Variants in SUZ12 observed in about 807,000 individuals in gnomAD.
SUZ12 encodes polycomb protein SUZ12.
Under a neutral mutation model 87.3 loss-of-function variants are expected in SUZ12, and 17 were observed. The observed-to-expected ratio is 0.19, with a 90% CI of 0.13 to 0.29. SUZ12 has a LOEUF of 0.29. Ranked by LOEUF, SUZ12 falls within the 10% of genes least tolerant of loss-of-function variation. The pLI, the probability that SUZ12 is intolerant of heterozygous loss-of-function variation, is 1.00. For synonymous variants in SUZ12, 253 were observed against 312.4 expected, an observed-to-expected ratio of 0.81 and a Z score of 2.01; for missense variants, 526 against 912.2, an observed-to-expected ratio of 0.58 and a Z score of 5.45.
chr17:31,940,573 G>A (rs1906213259), intron 3 of SUZ12, 87 bp downstream of exon 3: 6 of 1,500,292 alleles, frequency 4.0e-6, no homozygotes, highest in East Asian at 2.4e-5. Flanking sequence ...AAAAAAAAAC[G>A]AACAAAAATA....
In SUZ12 at chr17:31,976,630, A is replaced by C; in HGVS notation, c.917+16A>C. 6.4e-7 allele frequency: 1 copy of C among 1,562,848 alleles called. No individual in the cohort carries two copies. The highest frequency in any genetic ancestry group is 8.8e-7 in the Non-Finnish European group (1 of 1,136,872). ...ATAAAAACAGGTAATGTTGATGAACAAGTGAGGCTCCCACAATGTTCTGGA... is the reference window on the plus strand; with the variant it reads ...ATAAAAACAGGTAATGTTGATGAACCAGTGAGGCTCCCACAATGTTCTGGA... On this transcript the variant is annotated intron_variant, in intron 8 of 15. Transcript: ENST00000322652.
intron 3 of SUZ12, among the ~76,000 whole-genome samples, chr17:31,941,109 G>T (rs1369897313): frequency 3.3e-5 from 5 of 151,370 alleles, no homozygotes; most frequent in African/African-American, 4.8e-5. Flanking sequence ...CTCTTTTTTT[G>T]TTTGTTTGTT....
intron 5 of SUZ12, among the ~76,000 whole-genome samples, chr17:31,967,922 C>T (rs985812344): frequency 1.3e-5 from 2 of 151,968 alleles, no homozygotes; most frequent in Non-Finnish European, 2.9e-5. Flanking sequence ...ACGTCAACAC[C>T]TTGGGAGGCT....
chr17:31,958,001 C>G (rs1907464930), intron 4 of SUZ12, among the ~76,000 whole-genome samples: 2 of 145,752 alleles, frequency 1.4e-5, no homozygotes, highest in African/African-American at 5.1e-5. Context: ...CTCCCGGGTT[C>G]ATGCCATTCT....
rs765010301 is a variant in SUZ12 at position 31,937,293 on chromosome 17, C to G, written c.47C>G (p.Pro16Arg). The change falls in exon 1 of 16, where the codon CCC (proline) becomes CGC (arginine). Residue 16 changes from proline (P) to arginine (R), a missense_variant. Pro to Arg is a moderately radical substitution (Grantham distance 103, BLOSUM62 -2). This residue lies in a region of SUZ12 where 92 missense variants were observed against 109.9 expected (regional missense o/e 0.84). Transcript: ENST00000322652. ...HGGGGGGGSG[P>R]SAGSGGGGFG... ...GGTGGGGGAGGGGGCGGCTCGGGGC[C>G]CAGCGCGGGGTCCGGGGGAGGCGGC... 1 of 1,399,280 alleles carries G rather than the reference C, an allele frequency of 7.1e-7. No individual in the cohort carries two copies. The highest frequency in any genetic ancestry group is 9.2e-7 in the Non-Finnish European group (1 of 1,088,828). 86.7% of individuals were successfully genotyped at this position (1,399,280 alleles called of 1,614,324 possible). A position where few individuals can be genotyped will look rare whatever the true frequency, so the allele number is the denominator to read the frequency against.
At chr17:31,957,701 G>T (rs1907438636) in intron 4 of SUZ12, among the ~76,000 whole-genome samples, 1 of 148,792 alleles carries the variant, frequency 6.7e-6, no homozygotes, top group East Asian at 1.9e-4. Flanking sequence ...GTAAGCCACT[G>T]CCCCCAGCCA....
At chr17:31,977,860 T>A (rs566071857) in intron 8 of SUZ12, among the ~76,000 whole-genome samples, 31 of 152,182 alleles carry the variant, frequency 2.0e-4, no homozygotes, top group African/African-American at 6.7e-4. Context: ...CTGCACTCCA[T>A]CCTGGGTGAC....
intron 3 of SUZ12, among the ~76,000 whole-genome samples, chr17:31,945,492 A>G (rs1906585049): frequency 6.6e-6 from 1 of 152,146 alleles, no homozygotes; most frequent in Admixed American, 6.6e-5. Flanking sequence ...ATTTCGTGTG[A>G]GCTGTTTCTG....
In SUZ12 at chr17:31,940,161, G is replaced by A. The variant is rs540012609; in HGVS notation, c.275-125G>A. The A allele has an allele frequency of 1.2e-4, 162 of 1,338,624 alleles. 3 individuals carry two copies. Among genetic ancestry groups the A allele is most frequent in the South Asian group, 1.8e-4 (12 of 65,248 alleles). The allele number at this position is 1,338,624 out of a possible 1,614,324, so 82.9% of individuals were successfully genotyped here. A position where few individuals can be genotyped will look rare whatever the true frequency, so the allele number is the denominator to read the frequency against. On this transcript the variant is annotated intron_variant, in intron 1 of 15. Transcript: ENST00000322652. The stretch of plus-strand genomic sequence containing the variant: ...CTTTCTTGATGTAAATATTTAGTGC[G>A]ATATAAATAGTGCGTGATTTCCATA...
chr17:31,994,456 C>G (rs1909867957), intron 12 of SUZ12, 108 bp from the exon 13 acceptor site: 1 of 1,044,528 alleles, frequency 9.6e-7, no homozygotes, highest in African/African-American at 1.6e-5. Flanking sequence ...TGTGCCTGGC[C>G]TATTTTAGTT....
chr17:31,970,663 T>G (rs546519), intron 5 of SUZ12, among the ~76,000 whole-genome samples: 23,616 of 151,868 alleles, frequency 0.16, 2,056 homozygotes, highest in African/African-American at 0.22. Context: ...GCTTGGTGGC[T>G]TGTGCCTGTA....
rs763680052 is a variant in SUZ12 at position 31,994,551 on chromosome 17, A to G, written c.1438-13A>G. ...ATACTTAATATATTTTTTTTTTTAC[A>G]TTTTTGTTGCAGTATCATCCAAAAG... On this transcript the variant is annotated splice_polypyrimidine_tract_variant and intron_variant, in intron 12 of 15. Coordinates refer to ENST00000322652, the MANE Select transcript of SUZ12 (RefSeq NM_015355.4). 6.4e-7 allele frequency: 1 copy of G among 1,562,574 alleles called. No individual in the cohort carries two copies. The highest frequency in any genetic ancestry group is 1.4e-5 in the African/African-American group (1 of 72,470).
rs186993715 is a variant in SUZ12, at chr17:31,999,697, C to A, written c.*694C>A. 118 of 230,954 alleles carry A rather than the reference C, an allele frequency of 5.1e-4. 1 individual carries two copies. The highest frequency in any genetic ancestry group is 2.5e-3 in the African/African-American group (111 of 45,072). The allele number at this position is 230,954 out of a possible 1,614,324, so 14.3% of individuals were successfully genotyped here. On this transcript the variant is annotated 3_prime_UTR_variant, in exon 16 of 16. Transcript: ENST00000322652. ...CTATGTTGGTTTATAAGATTACAGACCATTTGTTTTCATGTGGATAATTTT... is the reference window on the plus strand; with the variant it reads ...CTATGTTGGTTTATAAGATTACAGAACATTTGTTTTCATGTGGATAATTTT...
rs536386033 is a variant in SUZ12 at position 31,956,265 on chromosome 17, C to T, written c.455+8580C>T. ...CTCACTCTGTCGCCAGCAGTCTCGACTCACTGCAACCTCCGCCTCCTGGGT... is the reference window on the plus strand; with the variant it reads ...CTCACTCTGTCGCCAGCAGTCTCGATTCACTGCAACCTCCGCCTCCTGGGT... On this transcript the variant is annotated intron_variant, in intron 4 of 15. Transcript: ENST00000322652. 9.2e-5 allele frequency among the ~76,000 whole-genome samples: 14 copies of T among 152,164 alleles called. No homozygotes were observed. In the South Asian group the frequency reaches 2.9e-3, roughly 32 times the overall value.
chr17:31,950,999 C>T (rs1487482040), intron 4 of SUZ12, among the ~76,000 whole-genome samples: 3 of 152,084 alleles, frequency 2.0e-5, no homozygotes, highest in Admixed American at 2.0e-4. Flanking sequence ...CCAGGATGGT[C>T]TCGATCTCCT....
chr17:31,988,940 C>T (rs532582011), intron 10 of SUZ12, among the ~76,000 whole-genome samples: 8 of 151,338 alleles, frequency 5.3e-5, no homozygotes, highest in East Asian at 2.0e-4. Flanking sequence ...GGTGTGGTGG[C>T]GGGCACCTGT....
At position 32,000,827 on chromosome 17, in the gene SUZ12, G is replaced by GA; in HGVS notation, c.*1830dup. On this transcript the variant is annotated 3_prime_UTR_variant, in exon 16 of 16. Transcript: ENST00000322652. ...AACTTTTTATGTCATCGTAAAAGCT[G>GA]AAAAAATCCCTTTGTTTCTATTTAT... The GA allele has an allele frequency of 4.4e-6, 1 of 227,248 alleles. No individual in the cohort carries two copies. The highest frequency in any genetic ancestry group is 2.2e-5 in the African/African-American group (1 of 45,084). The allele number at this position is 227,248 out of a possible 1,614,324, so 14.1% of individuals were successfully genotyped here.
chr17:31,993,666 T>C (rs977215293), intron 11 of SUZ12, among the ~76,000 whole-genome samples, 199 bp from the exon 12 acceptor site: 2 of 152,058 alleles, frequency 1.3e-5, no homozygotes, highest in African/African-American at 2.4e-5. Context: ...CATTTGACAG[T>C]GTCTGCCTTG....
In SUZ12 at chr17:31,998,683, C is replaced by G; in HGVS notation, c.1900C>G (p.His634Asp). The G allele has an allele frequency of 6.4e-7, 1 of 1,566,090 alleles. No homozygotes were observed. The highest frequency in any genetic ancestry group is 8.6e-7 in the Non-Finnish European group (1 of 1,157,176). Reference protein sequence around the residue: ...HGFIADNQMNHACMLFVENYG... With the variant: ...HGFIADNQMNDACMLFVENYG... ...GTTTATTGCTGACAATCAAATGAAT[C>G]ATGCCTGTATGCTGTTTGTAGAAAA... The change falls in exon 16 of 16, where the codon CAT (histidine) becomes GAT (aspartate). Residue 634 changes from histidine (H) to aspartate (D), a missense_variant. Physicochemically the swap from His to Asp is moderately conservative, Grantham distance 81. Coordinates refer to ENST00000322652, the MANE Select transcript of SUZ12 (RefSeq NM_015355.4).
Sources: allele counts gnomAD v4.1 joint callset (sites outside exome capture counted in the v4.1 genomes callset), GRCh38; gene constraint gnomAD v4.1.1; regional missense constraint gnomAD v4.1.1; transcripts MANE v1.5; gene names NCBI Gene and HGNC (gene_info 2026-07-23, HGNC 2026-07-21).